The following SKAP1 variants were observed in gnomAD, a reference collection of about 807,000 sequenced individuals.
The protein encoded by SKAP1 is src kinase-associated phosphoprotein 1.
Under a neutral mutation model 58.5 loss-of-function variants are expected in SKAP1, and 44 were observed. The observed-to-expected ratio is 0.75, with a 90% CI of 0.59 to 0.97. The LOEUF (loss-of-function observed/expected upper bound fraction) is 0.97. SKAP1 is among the 50% of genes least tolerant of loss of function. The pLI, the probability that SKAP1 is intolerant of heterozygous loss-of-function variation, is 0.00. For synonymous variants in SKAP1, 127 were observed against 149.7 expected, an observed-to-expected ratio of 0.85 and a Z score of 1.11; for missense variants, 390 against 435.2, an observed-to-expected ratio of 0.90 and a Z score of 0.92.
chr17:48,397,485 C>T (rs2067436475), intron 1 of SKAP1, among the ~76,000 whole-genome samples: 1 of 152,194 alleles, frequency 6.6e-6, no homozygotes, highest in African/African-American at 2.4e-5. Context: ...CTCGGCCTCC[C>T]CAACTGCTGG....
chr17:48,394,633 G>A (rs565845048), intron 2 of SKAP1, among the ~76,000 whole-genome samples: 19 of 152,270 alleles, frequency 1.2e-4, no homozygotes, highest in East Asian at 1.9e-4. Context: ...AAGCCACTGC[G>A]TTTAGCCTGC....
chr17:48,367,760 G>A (rs2067028297), intron 2 of SKAP1, among the ~76,000 whole-genome samples: 1 of 151,162 alleles, frequency 6.6e-6, no homozygotes, highest in South Asian at 2.1e-4. Context: ...TCTACAAAAG[G>A]TATAAAAATT....
chr17:48,309,173 T>TA (rs769118774), intron 4 of SKAP1, among the ~76,000 whole-genome samples: 10 of 152,086 alleles, frequency 6.6e-5, no homozygotes, highest in African/African-American at 1.9e-4. Context: ...GATAACACTT[T>TA]AAAAAATGCA....
At chr17:48,161,400 G>A (rs950867758) in intron 11 of SKAP1, among the ~76,000 whole-genome samples, 1 of 152,224 alleles carries the variant, frequency 6.6e-6, no homozygotes, top group Non-Finnish European at 1.5e-5. Context: ...TGCATAGAGA[G>A]AGGACTTTTT....
At chr17:48,301,884 C>T (rs533123956) in intron 4 of SKAP1, among the ~76,000 whole-genome samples, 2 of 152,242 alleles carry the variant, frequency 1.3e-5, no homozygotes, top group Admixed American at 6.5e-5. Context: ...CATCAGGGCA[C>T]ATAGCTTTCT....
intron 2 of SKAP1, among the ~76,000 whole-genome samples, chr17:48,371,971 T>C (rs1324291679): frequency 6.6e-6 from 1 of 152,152 alleles, no homozygotes; most frequent in Non-Finnish European, 1.5e-5. Context: ...CATATGCATA[T>C]ACATCATATA....
chr17:48,265,557 C>T (rs2065537390), intron 4 of SKAP1, among the ~76,000 whole-genome samples: 1 of 151,348 alleles, frequency 6.6e-6, no homozygotes, highest in Non-Finnish European at 1.5e-5. Context: ...TGTGTGGTTA[C>T]TGTGTTCAGA....
chr17:48,148,953 G>A, intron 11 of SKAP1, among the ~76,000 whole-genome samples: 1 of 152,178 alleles, frequency 6.6e-6, no homozygotes, highest in East Asian at 1.9e-4. Context: ...AAATGGACAT[G>A]GGAGGGTGAG....
chr17:48,324,176 G>T (rs184257756), intron 4 of SKAP1, among the ~76,000 whole-genome samples: 48 of 152,130 alleles, frequency 3.2e-4, no homozygotes, highest in African/African-American at 1.0e-3. Context: ...AAACCCACTG[G>T]TAACATTTTG....
intron 1 of SKAP1, 134 bp downstream of exon 1, chr17:48,429,941 G>T: frequency 1.5e-6 from 1 of 689,504 alleles, no homozygotes; most frequent in Non-Finnish European, 2.1e-6. Context: ...CTAGGGAGTT[G>T]AGGGCTCTAG....
intron 4 of SKAP1, among the ~76,000 whole-genome samples, chr17:48,219,718 G>C (rs1055816566): frequency 3.9e-5 from 6 of 152,014 alleles, no homozygotes; most frequent in Admixed American, 6.6e-5. Context: ...GCTTTTCTAG[G>C]CTGTCTGCTG....
intron 2 of SKAP1, 106 bp downstream of exon 2, chr17:48,396,574 G>T: frequency 1.5e-6 from 1 of 653,898 alleles, no homozygotes; most frequent in Non-Finnish European, 2.6e-6. Context: ...TTTCTGCCAA[G>T]TATAAAGAAC....
chr17:48,436,274 G>A, the SKAP1 span, among the ~76,000 whole-genome samples: 10 of 152,076 alleles, frequency 6.6e-5, no homozygotes, highest in East Asian at 3.9e-4. Context: ...GTTTCACCAC[G>A]TTGGCCAGGC....
chr17:48,241,728 A>G (rs1308800288), intron 4 of SKAP1, among the ~76,000 whole-genome samples: 1 of 152,232 alleles, frequency 6.6e-6, no homozygotes, highest in Non-Finnish European at 1.5e-5. Flanking sequence ...CTAATAGTAG[A>G]AATGATACAT....
intron 4 of SKAP1, among the ~76,000 whole-genome samples, chr17:48,268,379 A>G (rs566107143): frequency 6.6e-5 from 10 of 152,310 alleles, no homozygotes; most frequent in African/African-American, 2.4e-4. Context: ...CAAACCCTTG[A>G]GTTACCACCT....
intron 2 of SKAP1, among the ~76,000 whole-genome samples, chr17:48,366,847 T>C (rs950893511): frequency 1.3e-5 from 2 of 152,196 alleles, no homozygotes; most frequent in African/African-American, 4.8e-5. Flanking sequence ...CATACATGTA[T>C]GTGCACATGT....
At chr17:48,190,280 T>C (rs947963066) in intron 4 of SKAP1, among the ~76,000 whole-genome samples, 1 of 151,752 alleles carries the variant, frequency 6.6e-6, no homozygotes, top group Non-Finnish European at 1.5e-5. Flanking sequence ...CTAATTTTTT[T>C]TTGTTGTATT....
intron 4 of SKAP1, among the ~76,000 whole-genome samples, chr17:48,207,124 C>T (rs779104152): frequency 1.3e-5 from 2 of 151,968 alleles, no homozygotes; most frequent in Non-Finnish European, 2.9e-5. Context: ...TATGAAGGTA[C>T]GTGGCAAAGG....
chr17:48,214,055 C>T (rs940057085), intron 4 of SKAP1, among the ~76,000 whole-genome samples: 14 of 152,194 alleles, frequency 9.2e-5, no homozygotes, highest in Admixed American at 5.9e-4. Context: ...ACTAAAAGTA[C>T]AGCTTAGCAT....
Sources: gnomAD v4.1 joint callset for allele counts (sites outside exome capture counted in the v4.1 genomes callset) on GRCh38, gnomAD v4.1.1 for gene constraint, MANE v1.5 for transcripts, NCBI Gene and HGNC (gene_info 2026-07-23, HGNC 2026-07-21) for gene names.